GRIK4: variants seen among roughly 807,000 people sequenced by gnomAD.
GRIK4 encodes glutamate ionotropic receptor kainate type subunit 4.
In GRIK4, 40 loss-of-function variants were observed where a neutral mutation model predicts 104.9. The observed-to-expected ratio is 0.38, with a 90% CI of 0.30 to 0.50. The LOEUF (loss-of-function observed/expected upper bound fraction) is 0.50. Among genes scored for constraint, GRIK4 ranks in the 20% least tolerant of loss-of-function variants. The pLI is 0.93. For synonymous variants in GRIK4, 485 were observed against 524.9 expected (o/e 0.92, Z 1.04); for missense variants, 1,047 against 1,308.1 (o/e 0.80, Z 3.08).
At chr11:120,626,793 C>T (rs1186549021) in intron 1 of GRIK4, among the ~76,000 whole-genome samples, 1 of 152,200 alleles carries the variant, frequency 6.6e-6, no homozygotes, top group African/African-American at 2.4e-5. Context: ...TGCTTTCTCC[C>T]TTGATCAGGG....
intron 13 of GRIK4, among the ~76,000 whole-genome samples, chr11:120,937,594 G>T (rs71486349): frequency 0.011 from 1,624 of 152,288 alleles, 13 homozygotes; most frequent in Middle Eastern, 0.044. Flanking sequence ...ACAAAGGAAA[G>T]AAAGACTGGG....
At chr11:120,790,873 G>A (rs1952380446) in intron 3 of GRIK4, among the ~76,000 whole-genome samples, 1 of 152,148 alleles carries the variant, frequency 6.6e-6, no homozygotes, top group South Asian at 2.1e-4. Flanking sequence ...GCTCTGCCAG[G>A]GATTTGCATG....
chr11:120,563,322 A>G (rs1457533775), intron 1 of GRIK4, among the ~76,000 whole-genome samples: 1 of 151,948 alleles, frequency 6.6e-6, no homozygotes, highest in African/African-American at 2.4e-5. Context: ...GCTTCAGGAG[A>G]GGAACTATGG....
At position 120,953,877 on chromosome 11, in the gene GRIK4, TCA is replaced by T. The variant is rs1197364790; in HGVS notation, c.1700+916_1700+917del. ...ACCCTCCACTTACTGCAGTGGAGGCTCACAAAGGGCTGTTATGTGGGAGCAGA... is the reference window on the plus strand; with the variant it reads ...ACCCTCCACTTACTGCAGTGGAGGCTCAAAGGGCTGTTATGTGGGAGCAGA... On this transcript the variant is annotated intron_variant, in intron 15 of 20. Transcript: ENST00000527524. The surrounding 1 kb of genome is among the most constrained non-coding windows in gnomAD (Gnocchi z 4.9). Among the ~76,000 whole-genome samples, 1 of 152,158 alleles carries T rather than the reference TCA, an allele frequency of 6.6e-6. No homozygotes were observed. Among genetic ancestry groups the T allele is most frequent in the Non-Finnish European group, 1.5e-5 (1 of 68,032 alleles).
At chr11:120,894,497 C>T (rs904079765) in intron 11 of GRIK4, 1 of 152,210 alleles carries the variant, frequency 6.6e-6, no homozygotes, top group African/African-American at 2.4e-5. Flanking sequence ...CATTAAGATG[C>T]TGTTTGTAGG....
intron 1 of GRIK4, among the ~76,000 whole-genome samples, chr11:120,590,093 T>G (rs921270628): frequency 6.6e-6 from 1 of 152,152 alleles, no homozygotes; most frequent in Non-Finnish European, 1.5e-5. Flanking sequence ...TTTCAATGCG[T>G]TTTTCATCCA....
intron 4 of GRIK4, among the ~76,000 whole-genome samples, chr11:120,808,105 TGGGATAC>T (rs1317781030): frequency 6.6e-6 from 1 of 151,782 alleles, no homozygotes. Flanking sequence ...GGAAAAAAAA[TGGGATAC>T]ATTGGGATGC....
chr11:120,875,316 GA>G (rs1199594986), intron 11 of GRIK4, 73 bp downstream of exon 11: 5 of 968,800 alleles, frequency 5.2e-6, no homozygotes, highest in Non-Finnish European at 8.4e-6. Flanking sequence ...CGGTGTTTTG[GA>G]TGGCCTCCTG....
intron 3 of GRIK4, among the ~76,000 whole-genome samples, chr11:120,798,431 G>A (rs1952563153): frequency 6.6e-6 from 1 of 151,842 alleles, no homozygotes; most frequent in South Asian, 2.1e-4. Context: ...CCAAAGTGCT[G>A]GATTACAGGT....
At chr11:120,914,439 T>A (rs968853209) in intron 13 of GRIK4, among the ~76,000 whole-genome samples, 1 of 151,986 alleles carries the variant, frequency 6.6e-6, no homozygotes, top group Non-Finnish European at 1.5e-5. Context: ...GAGTAGTGAG[T>A]GGCAGGGGTG....
intron 1 of GRIK4, among the ~76,000 whole-genome samples, chr11:120,594,947 A>G (rs1023762509): frequency 1.3e-5 from 2 of 152,134 alleles, no homozygotes; most frequent in African/African-American, 4.8e-5. Flanking sequence ...GTGAGGAGCC[A>G]CCCCCAGCGA....
At chr11:120,676,867 CATT>C (rs930552944) in intron 3 of GRIK4, among the ~76,000 whole-genome samples, 8 of 152,186 alleles carry the variant, frequency 5.3e-5, no homozygotes, top group Admixed American at 4.6e-4. Context: ...CTTTGGGGGC[CATT>C]ATTCTTTCTA....
intron 10 of GRIK4, among the ~76,000 whole-genome samples, chr11:120,874,823 C>T (rs1954733331): frequency 6.6e-6 from 1 of 152,154 alleles, no homozygotes; most frequent in Admixed American, 6.5e-5. Context: ...ATGCTGTGGA[C>T]AGCCAAGGGC....
rs1948631918 is a variant in GRIK4, at chr11:120,584,489, G to A, written c.-158-69196G>A. 2.0e-5 allele frequency among the ~76,000 whole-genome samples: 3 copies of A among 152,152 alleles called. 1 individual carries two copies. The South Asian group carries it at 6.2e-4, about 32-fold the overall frequency. On this transcript the variant is annotated intron_variant, in intron 1 of 20. Coordinates refer to ENST00000527524, the MANE Select transcript of GRIK4 (RefSeq NM_014619.5). ...AGCAGGCAGTTACATGGTGAAAGTG[G>A]GAGTGAGTGAGATAGAGACAGAGAC... is the stretch of plus-strand genomic sequence containing the variant.
chr11:120,787,283 C>A (rs1329232899), intron 3 of GRIK4, among the ~76,000 whole-genome samples: 2 of 151,856 alleles, frequency 1.3e-5, no homozygotes, highest in Non-Finnish European at 2.9e-5. Context: ...GAGCCAAGAT[C>A]GCACCACTGC....
At chr11:120,700,490 G>T (rs1162441654) in intron 3 of GRIK4, among the ~76,000 whole-genome samples, 1 of 151,086 alleles carries the variant, frequency 6.6e-6, no homozygotes, top group African/African-American at 2.4e-5. Flanking sequence ...AGAGAGTCTT[G>T]CTCTGTTGCC....
Position 120,940,479 on chromosome 11 carries a change from A to C in GRIK4, c.1590+19A>C. 7.4e-7 allele frequency: 1 copy of C among 1,353,096 alleles called. No homozygotes were observed. The highest frequency in any genetic ancestry group is 1.1e-6 in the Non-Finnish European group (1 of 944,444). 83.8% of individuals were successfully genotyped at this position (1,353,096 alleles called of 1,614,324 possible). On this transcript the variant is annotated intron_variant, in intron 14 of 20. Coordinates refer to ENST00000527524, the MANE Select transcript of GRIK4 (RefSeq NM_014619.5). The surrounding 1 kb of genome is among the most constrained non-coding windows in gnomAD (Gnocchi z 4.3). ...TCATATGGTAAGAGACTTATTTTAT[A>C]AGCATTTATGTCATTAAAGTTATTT... is the stretch of plus-strand genomic sequence containing the variant.
chr11:120,966,350 T>C (rs190675432), intron 18 of GRIK4, among the ~76,000 whole-genome samples: 89 of 152,292 alleles, frequency 5.8e-4, no homozygotes, highest in Admixed American at 1.6e-3. Context: ...TAGTGAGAGT[T>C]ACAAGTGCCT....
chr11:120,595,699 A>G (rs1174153361), intron 1 of GRIK4, among the ~76,000 whole-genome samples: 1 of 152,154 alleles, frequency 6.6e-6, no homozygotes, highest in Non-Finnish European at 1.5e-5. Context: ...TCCTTCACCC[A>G]GACACCTCCC....
Sources: gnomAD v4.1 joint callset for allele counts (sites outside exome capture counted in the v4.1 genomes callset) on GRCh38, gnomAD v4.1.1 for gene constraint, Gnocchi (gnomAD v3.1) non-coding constraint, MANE v1.5 for transcripts, NCBI Gene and HGNC (gene_info 2026-07-23, HGNC 2026-07-21) for gene names.